MIS18A: variants seen among roughly 807,000 people sequenced by gnomAD.
The protein encoded by MIS18A is protein Mis18-alpha.
Under a neutral mutation model 25.0 loss-of-function variants are expected in MIS18A, and 14 were observed. That is an observed-to-expected ratio of 0.56 (90% CI 0.37 to 0.88). The LOEUF (loss-of-function observed/expected upper bound fraction) is 0.88, where lower values mean the gene tolerates loss of function less well. Among genes scored for constraint, MIS18A ranks in the 40% least tolerant of loss-of-function variants. The pLI is 0.00. For synonymous variants in MIS18A, 134 were observed against 118.6 expected, an observed-to-expected ratio of 1.13 and a Z score of -0.84; for missense variants, 292 against 290.8, an observed-to-expected ratio of 1.00 and a Z score of -0.03.
the MIS18A span, among the ~76,000 whole-genome samples, chr21:32,246,501 G>A: frequency 1.3e-5 from 2 of 152,074 alleles, no homozygotes; most frequent in Non-Finnish European, 2.9e-5. Context: ...GATTTATGGA[G>A]CCCCTCAAAT....
chr21:32,230,584 G>A, the MIS18A span, among the ~76,000 whole-genome samples: 5 of 152,082 alleles, frequency 3.3e-5, no homozygotes, highest in South Asian at 6.2e-4. Flanking sequence ...CTACCTGCCC[G>A]TATATTTACC....
the MIS18A span, among the ~76,000 whole-genome samples, chr21:32,183,927 G>C: frequency 1.3e-5 from 2 of 152,274 alleles, no homozygotes; most frequent in African/African-American, 4.8e-5. Flanking sequence ...GCACACACAC[G>C]ATCTGTTGAT....
chr21:32,218,835 C>T, the MIS18A span, among the ~76,000 whole-genome samples: 1 of 152,010 alleles, frequency 6.6e-6, no homozygotes, highest in Admixed American at 6.6e-5. Flanking sequence ...GAAGCTGAGG[C>T]TAGTGGATCA....
chr21:32,196,170 T>G, the MIS18A span, among the ~76,000 whole-genome samples: 1 of 152,274 alleles, frequency 6.6e-6, no homozygotes, highest in Non-Finnish European at 1.5e-5. Context: ...ACTGGTACAC[T>G]GAGTAAAGCA....
In MIS18A at chr21:32,269,109, A is replaced by G. The variant is rs766993899; in HGVS notation, c.630T>C (p.Asp210=). The G allele has an allele frequency of 6.3e-7, 1 of 1,597,120 alleles. No homozygotes were observed. Among genetic ancestry groups the G allele is most frequent in the South Asian group, 1.1e-5 (1 of 87,296 alleles). The part of the protein sequence containing the change: ...EIEKSLTQME[D]VLKALQMKLW... ...GCTTCATTTGTAATGCTTTCAAGAC[A>G]TCTTCCATCTATTGAATTTAAAAAA... The change falls in exon 5 of 5, where the codon GAT becomes GAC. Residue 210 remains aspartate, a synonymous_variant. Transcript: ENST00000290130.
At chr21:32,204,706 G>A in the MIS18A span, among the ~76,000 whole-genome samples, 5 of 150,892 alleles carry the variant, frequency 3.3e-5, no homozygotes, top group African/African-American at 4.9e-5. Context: ...AGCCAACATG[G>A]TGAAACCCTG....
intron 1 of MIS18A, among the ~76,000 whole-genome samples, chr21:32,277,074 T>C (rs2031826196): frequency 6.6e-6 from 1 of 152,172 alleles, no homozygotes; most frequent in East Asian, 1.9e-4. Flanking sequence ...ATTAAACTAA[T>C]TCAAATTGGG....
chr21:32,236,975 C>CA, the MIS18A span, among the ~76,000 whole-genome samples: 1 of 152,154 alleles, frequency 6.6e-6, no homozygotes, highest in South Asian at 2.1e-4. Flanking sequence ...TTGAGGGTCT[C>CA]AGACACCCCA....
At chr21:32,206,411 A>C in the MIS18A span, among the ~76,000 whole-genome samples, 1 of 151,946 alleles carries the variant, frequency 6.6e-6, no homozygotes, top group East Asian at 1.9e-4. Flanking sequence ...TAAGAGCAAA[A>C]TCTCATTATT....
chr21:32,231,515 C>T, the MIS18A span, among the ~76,000 whole-genome samples: 1 of 152,052 alleles, frequency 6.6e-6, no homozygotes, highest in Non-Finnish European at 1.5e-5. Flanking sequence ...ACTATGATGG[C>T]TAGAATCTAA....
chr21:32,230,589 T>C, the MIS18A span, among the ~76,000 whole-genome samples: 1 of 152,296 alleles, frequency 6.6e-6, no homozygotes, highest in South Asian at 2.1e-4. Context: ...TGCCCGTATA[T>C]TTACCCTCAA....
At chr21:32,204,926 G>A in the MIS18A span, among the ~76,000 whole-genome samples, 1 of 151,986 alleles carries the variant, frequency 6.6e-6, no homozygotes, top group East Asian at 1.9e-4. Context: ...AGCAACCCTA[G>A]ACTATAACTA....
chr21:32,264,510 A>G (rs1385773946), downstream of MIS18A, among the ~76,000 whole-genome samples: 1 of 152,142 alleles, frequency 6.6e-6, no homozygotes, highest in African/African-American at 2.4e-5. Flanking sequence ...CATATGCATT[A>G]TCTAATTTGA....
the MIS18A span, among the ~76,000 whole-genome samples, chr21:32,242,630 A>G: frequency 6.6e-6 from 1 of 152,188 alleles, no homozygotes; most frequent in African/African-American, 2.4e-5. Context: ...TTGAATGTAG[A>G]CAGTATTTAG....
the MIS18A span, among the ~76,000 whole-genome samples, chr21:32,243,524 A>G: frequency 6.6e-6 from 1 of 152,352 alleles, no homozygotes; most frequent in African/African-American, 2.4e-5. Flanking sequence ...AATGATCATG[A>G]AGCACCACTG....
chr21:32,245,096 AATTG>A, the MIS18A span, among the ~76,000 whole-genome samples: 1 of 152,192 alleles, frequency 6.6e-6, no homozygotes, highest in Admixed American at 6.5e-5. Context: ...ATAAAACCTT[AATTG>A]ATTAATTGAT....
the MIS18A span, among the ~76,000 whole-genome samples, chr21:32,198,488 T>C: frequency 6.6e-6 from 1 of 152,322 alleles, no homozygotes; most frequent in Non-Finnish European, 1.5e-5. Context: ...AGCTGGGACC[T>C]GTTAGTGCAG....
chr21:32,260,996 G>GT, the MIS18A span: 1 of 152,268 alleles, frequency 6.6e-6, no homozygotes, highest in Non-Finnish European at 1.5e-5. Context: ...GGGCGACAGA[G>GT]TGAGACGACC....
chr21:32,231,910 TCAAAA>T, the MIS18A span, among the ~76,000 whole-genome samples: 1 of 152,030 alleles, frequency 6.6e-6, no homozygotes, highest in South Asian at 2.1e-4. Context: ...AGACTCCGTC[TCAAAA>T]CAAAACAAAA....
Sources: allele counts gnomAD v4.1 joint callset (sites outside exome capture counted in the v4.1 genomes callset), GRCh38; gene constraint gnomAD v4.1.1; transcripts MANE v1.5; gene names NCBI Gene and HGNC (gene_info 2026-07-23, HGNC 2026-07-21).